Variants in GADL1 observed in about 807,000 individuals in gnomAD.
The protein encoded by GADL1 is GAD like acidic amino acid decarboxylase 1.
A neutral mutation model predicts 69.5 loss-of-function variants in GADL1; 71 were observed. That is an observed-to-expected ratio of 1.02 (90% confidence interval 0.84 to 1.25). The LOEUF is 1.25. Among genes scored for constraint, GADL1 ranks in the 50% most tolerant of loss-of-function variants. The pLI, the probability that GADL1 is intolerant of heterozygous loss-of-function variation, is 0.00. For synonymous variants in GADL1, 254 were observed against 214.4 expected, an observed-to-expected ratio of 1.18 and a Z score of -1.62; for missense variants, 737 against 631.8, an observed-to-expected ratio of 1.17 and a Z score of -1.79.
At chr3:30,836,058 T>A (rs1332984188) in intron 9 of GADL1, among the ~76,000 whole-genome samples, 2 of 152,086 alleles carry the variant, frequency 1.3e-5, no homozygotes, top group Non-Finnish European at 2.9e-5. Context: ...TCATTACATA[T>A]TCTAAATCCT....
intron 14 of GADL1, among the ~76,000 whole-genome samples, chr3:30,753,536 T>C (rs1695886758): frequency 6.6e-6 from 1 of 152,034 alleles, no homozygotes; most frequent in Non-Finnish European, 1.5e-5. Context: ...TAATGAAAAA[T>C]CCCTGTTCTT....
At chr3:30,804,616 T>C (rs1457863997) in intron 11 of GADL1, among the ~76,000 whole-genome samples, 1 of 152,228 alleles carries the variant, frequency 6.6e-6, no homozygotes, top group Admixed American at 6.5e-5. Flanking sequence ...TTGTTAGATG[T>C]CTAACCTGTA....
intron 14 of GADL1, among the ~76,000 whole-genome samples, chr3:30,763,192 G>T (rs185752626): frequency 2.6e-5 from 4 of 152,102 alleles, no homozygotes; most frequent in African/African-American, 9.7e-5. Context: ...ACATACCCAT[G>T]ATCCCATCAT....
chr3:30,791,912 A>T (rs755216783), intron 12 of GADL1, among the ~76,000 whole-genome samples: 1 of 152,174 alleles, frequency 6.6e-6, no homozygotes, highest in Non-Finnish European at 1.5e-5. Flanking sequence ...ACCTGCTGCC[A>T]TGTAAGATGT....
chr3:30,832,873 G>C (rs555908008), intron 11 of GADL1, among the ~76,000 whole-genome samples: 2 of 151,922 alleles, frequency 1.3e-5, no homozygotes, highest in South Asian at 4.2e-4. Context: ...TTCTGGTAGT[G>C]TCTATTTCTA....
rs561065690 is a variant in GADL1 at position 30,870,904 on chromosome 3, A to G, written c.38-9139T>C. 3.1e-4 allele frequency among the ~76,000 whole-genome samples: 47 copies of G among 151,844 alleles called. 1 individual carries two copies. Among genetic ancestry groups the G allele is most frequent in the African/African-American group, 1.1e-3 (47 of 41,350 alleles). On this transcript the variant is annotated intron_variant, in intron 1 of 14. Transcript: ENST00000282538. ...ATCTGGGGAATGCTGGGGAAAAGCA[A>G]GTTAGACAAATGTGTGGCTGGGACA...
intron 1 of GADL1, among the ~76,000 whole-genome samples, chr3:30,872,271 G>A (rs760684547): frequency 2.3e-4 from 35 of 151,912 alleles, no homozygotes; most frequent in Non-Finnish European, 4.6e-4. Flanking sequence ...CTTTAATGTG[G>A]CTTAGTGGTA....
Position 30,797,120 on chromosome 3 carries a change from T to A in GADL1, c.1250+3769A>T, listed in dbSNP as rs559324010. Reference sequence around the variant, plus strand: ...GTTTAAAGTGGGCTTACATAATTGGTTTGCCTTCTTGGCCTTCTGTCATGG... The same window carrying A: ...GTTTAAAGTGGGCTTACATAATTGGATTGCCTTCTTGGCCTTCTGTCATGG... On this transcript the variant is annotated intron_variant, in intron 12 of 14. Coordinates refer to ENST00000282538, the MANE Select transcript of GADL1 (RefSeq NM_207359.3). 7.9e-5 allele frequency among the ~76,000 whole-genome samples: 12 copies of A among 152,264 alleles called. No homozygotes were observed. The East Asian group carries it at 2.3e-3, about 29-fold the overall frequency.
intron 1 of GADL1, among the ~76,000 whole-genome samples, chr3:30,889,912 T>G (rs1453270451): frequency 6.6e-6 from 1 of 152,184 alleles, no homozygotes; most frequent in African/African-American, 2.4e-5. Context: ...CAAAAGAATT[T>G]AAGGAATATT....
intron 1 of GADL1, among the ~76,000 whole-genome samples, chr3:30,883,755 A>G (rs989568669): frequency 3.3e-5 from 5 of 151,974 alleles, no homozygotes; most frequent in African/African-American, 1.2e-4. Flanking sequence ...TCTTAATAAT[A>G]CAATTTTCTA....
intron 11 of GADL1, among the ~76,000 whole-genome samples, chr3:30,804,253 C>T (rs1697214303): frequency 6.6e-6 from 1 of 152,152 alleles, no homozygotes; most frequent in African/African-American, 2.4e-5. Flanking sequence ...ATATTGGCCT[C>T]ACTCCCTACA....
At chr3:30,812,794 G>C (rs186178363) in intron 11 of GADL1, among the ~76,000 whole-genome samples, 1 of 152,222 alleles carries the variant, frequency 6.6e-6, no homozygotes, top group East Asian at 1.9e-4. Flanking sequence ...GAGTTTCTGG[G>C]ATCCATTTGA....
chr3:30,768,894 G>A (rs1415842855), intron 14 of GADL1, among the ~76,000 whole-genome samples: 1 of 152,026 alleles, frequency 6.6e-6, no homozygotes, highest in African/African-American at 2.4e-5. Flanking sequence ...ACGAAAACAT[G>A]AGCAAAAGTG....
chr3:30,777,826 G>C, intron 14 of GADL1, among the ~76,000 whole-genome samples: 1 of 152,184 alleles, frequency 6.6e-6, no homozygotes, highest in African/African-American at 2.4e-5. Flanking sequence ...TTATTTCCAA[G>C]TAAGGTGGTA....
chr3:30,851,466 A>G (rs1360634694), intron 4 of GADL1, among the ~76,000 whole-genome samples: 4 of 152,152 alleles, frequency 2.6e-5, no homozygotes, highest in African/African-American at 9.7e-5. Flanking sequence ...TTTGTGAGAC[A>G]TCTCTTATGT....
chr3:30,759,955 G>C (rs1696088763), intron 14 of GADL1, among the ~76,000 whole-genome samples: 1 of 152,190 alleles, frequency 6.6e-6, no homozygotes, highest in African/African-American at 2.4e-5. Flanking sequence ...GTTGAAGAAA[G>C]ATTCACGGAG....
At chr3:30,832,813 T>A (rs1054431796) in intron 11 of GADL1, among the ~76,000 whole-genome samples, 1 of 152,048 alleles carries the variant, frequency 6.6e-6, no homozygotes, top group Non-Finnish European at 1.5e-5. Flanking sequence ...TGGTATTGAA[T>A]ACATTCAACT....
intron 14 of GADL1, among the ~76,000 whole-genome samples, chr3:30,775,701 TAAAA>T (rs576144264): frequency 7.2e-5 from 11 of 151,836 alleles, no homozygotes; most frequent in African/African-American, 9.7e-5. Flanking sequence ...TGGCTGACAG[TAAAA>T]AAAATAAACT....
chr3:30,772,418 AAAAC>A (rs758759406), intron 14 of GADL1, among the ~76,000 whole-genome samples: 49 of 152,356 alleles, frequency 3.2e-4, no homozygotes, highest in Non-Finnish European at 6.0e-4. Flanking sequence ...ATGATGGGGC[AAAAC>A]AAACTAGTGG....
Sources: allele counts gnomAD v4.1 joint callset (sites outside exome capture counted in the v4.1 genomes callset), GRCh38; gene constraint gnomAD v4.1.1; transcripts MANE v1.5; gene names NCBI Gene and HGNC (gene_info 2026-07-23, HGNC 2026-07-21).